Variants in SLC5A4 observed in about 807,000 individuals in gnomAD.
The protein encoded by SLC5A4 is solute carrier family 5 member 4, also known as probable glucose sensor protein SLC5A4.
In SLC5A4, 55 loss-of-function variants were observed where a neutral mutation model predicts 70.3. The ratio of observed to expected loss-of-function variants is 0.78; its 90% CI spans 0.63 to 0.98. SLC5A4 has a LOEUF of 0.98. SLC5A4 is among the 50% of genes least tolerant of loss of function. SLC5A4 has a pLI of 0.00. For missense variants in SLC5A4, 735 were observed against 839.2 expected (o/e 0.88, Z 1.53); for synonymous variants, 268 against 305.7 (o/e 0.88, Z 1.29).
chr22:32,350,812 G>A, the SLC5A4 span, among the ~76,000 whole-genome samples: 2 of 150,146 alleles, frequency 1.3e-5, no homozygotes, highest in African/African-American at 4.9e-5. Context: ...AAAAATTATA[G>A]ACCTTATATA....
At chr22:32,329,035 C>T in the SLC5A4 span, among the ~76,000 whole-genome samples, 1 of 152,222 alleles carries the variant, frequency 6.6e-6, no homozygotes, top group Non-Finnish European at 1.5e-5. Flanking sequence ...TCTGGGGGTT[C>T]CCTAGCACCA....
At position 32,219,534 on chromosome 22, in the gene SLC5A4, A is replaced by G. The variant is rs187477395; in HGVS notation, c.1769-809T>C. Among the ~76,000 whole-genome samples, 1,141 of 149,220 alleles carry G rather than the reference A, an allele frequency of 7.6e-3. 4 individuals carry two copies. The highest frequency in any genetic ancestry group is 0.039 in the Middle Eastern group (11 of 284). Reference sequence around the variant, plus strand: ...AACAGTATTACTTTGAGGGAAATGTATATGGTCTTATTTATGTAGAAAAGA... The same window carrying G: ...AACAGTATTACTTTGAGGGAAATGTGTATGGTCTTATTTATGTAGAAAAGA... On this transcript the variant is annotated intron_variant, in intron 14 of 14. Transcript: ENST00000266086.
rs1925613442 is a variant in SLC5A4 at position 32,229,427 on chromosome 22, A to G, written c.1130-83T>C. On this transcript the variant is annotated intron_variant, in intron 10 of 14. Coordinates refer to ENST00000266086, the MANE Select transcript of SLC5A4 (RefSeq NM_014227.3). ...CAGAGAGGGTTGAAAGGTTAAAAGT[A>G]TCATCTGGAACATAGGTTAACTGAT... The G allele has an allele frequency of 9.8e-6, 14 of 1,432,320 alleles. No homozygotes were observed. In the Middle Eastern group the frequency reaches 1.2e-3, roughly 125 times the overall value. The allele number at this position is 1,432,320 out of a possible 1,614,324, so 88.7% of individuals were successfully genotyped here.
chr22:32,228,080 G>T (rs1408899429), intron 11 of SLC5A4, among the ~76,000 whole-genome samples: 2 of 152,200 alleles, frequency 1.3e-5, no homozygotes. Context: ...TTTGGAACGA[G>T]GTGGCCCAAG....
chr22:32,330,755 A>C, the SLC5A4 span, among the ~76,000 whole-genome samples: 1 of 48,798 alleles, frequency 2.0e-5, no homozygotes, highest in Non-Finnish European at 3.5e-5. Flanking sequence ...GTGTGTTGGA[A>C]GCTCTGGTGT....
chr22:32,271,796 G>A, the SLC5A4 span: 1,691 of 600,824 alleles, frequency 2.8e-3, 10 homozygotes, highest in Non-Finnish European at 2.5e-3. Context: ...GAGGATCAGC[G>A]TCCTTCCTGC....
chr22:32,326,847 G>A, the SLC5A4 span, among the ~76,000 whole-genome samples: 1 of 152,220 alleles, frequency 6.6e-6, no homozygotes, highest in Non-Finnish European at 1.5e-5. Flanking sequence ...CGGAGGGGAT[G>A]TGGCCACGGG....
the SLC5A4 span, among the ~76,000 whole-genome samples, chr22:32,305,082 C>A: frequency 2.8e-4 from 43 of 152,230 alleles, no homozygotes; most frequent in African/African-American, 1.0e-3. Context: ...ATTGTCTGTT[C>A]TTTTGCCAAT....
chr22:32,268,626 A>G, the SLC5A4 span: 1 of 152,362 alleles, frequency 6.6e-6, no homozygotes, highest in Admixed American at 6.5e-5. Context: ...TGGCCCTGAG[A>G]AAGTAGCCAT....
the SLC5A4 span, among the ~76,000 whole-genome samples, chr22:32,338,349 A>G: frequency 6.6e-6 from 1 of 152,196 alleles, no homozygotes; most frequent in Non-Finnish European, 1.5e-5. Context: ...CTCAAAAACC[A>G]TCAAAGAAAT....
At chr22:32,328,816 A>G in the SLC5A4 span, among the ~76,000 whole-genome samples, 5 of 152,310 alleles carry the variant, frequency 3.3e-5, no homozygotes, top group East Asian at 7.7e-4. Context: ...AGTGCTAGAG[A>G]TTCTGGGAGA....
At chr22:32,344,996 A>G in the SLC5A4 span, among the ~76,000 whole-genome samples, 1 of 152,232 alleles carries the variant, frequency 6.6e-6, no homozygotes, top group Non-Finnish European at 1.5e-5. Flanking sequence ...TTTAAGGCTT[A>G]CATACTTTAG....
chr22:32,270,359 G>A, the SLC5A4 span: 3 of 1,346,932 alleles, frequency 2.2e-6, no homozygotes, highest in Non-Finnish European at 3.2e-6. Context: ...CTGCAGAAGA[G>A]CATCCAGCCC....
chr22:32,256,964 T>C (rs1927517432), upstream of SLC5A4, among the ~76,000 whole-genome samples: 1 of 152,232 alleles, frequency 6.6e-6, no homozygotes, highest in Non-Finnish European at 1.5e-5. Flanking sequence ...TAATTCTGTG[T>C]TTAACTTTTT....
At chr22:32,293,597 T>C in the SLC5A4 span, among the ~76,000 whole-genome samples, 1 of 152,274 alleles carries the variant, frequency 6.6e-6, no homozygotes, top group South Asian at 2.1e-4. Context: ...GCAGTTGTTA[T>C]GTATTTTATT....
chr22:32,262,659 A>G, the SLC5A4 span, among the ~76,000 whole-genome samples: 1 of 152,086 alleles, frequency 6.6e-6, no homozygotes, highest in East Asian at 1.9e-4. Context: ...TTTTTTGTTT[A>G]GACTCTAAGT....
At chr22:32,305,179 A>C in the SLC5A4 span, among the ~76,000 whole-genome samples, 1 of 151,692 alleles carries the variant, frequency 6.6e-6, no homozygotes, top group East Asian at 1.9e-4. Context: ...AAATTTCTCC[A>C]GTTTCTAATC....
At chr22:32,338,798 T>C in the SLC5A4 span, among the ~76,000 whole-genome samples, 1 of 152,160 alleles carries the variant, frequency 6.6e-6, no homozygotes, top group East Asian at 1.9e-4. Context: ...TCGAGACCCA[T>C]AAAACTGTCA....
chr22:32,300,091 G>A, the SLC5A4 span, among the ~76,000 whole-genome samples: 9 of 151,158 alleles, frequency 6.0e-5, no homozygotes, highest in East Asian at 9.8e-4. Context: ...GTCTGCAGAG[G>A]TTACTGCTGT....
Sources: gnomAD v4.1 joint callset for allele counts (sites outside exome capture counted in the v4.1 genomes callset) on GRCh38, gnomAD v4.1.1 for gene constraint, MANE v1.5 for transcripts, NCBI Gene and HGNC (gene_info 2026-07-23, HGNC 2026-07-21) for gene names.